Variants in GXYLT1 observed in about 807,000 individuals in gnomAD.
The protein encoded by GXYLT1 is glucoside xylosyltransferase 1.
A neutral mutation model predicts 54.0 loss-of-function variants in GXYLT1; 29 were observed. The ratio of observed to expected loss-of-function variants is 0.54; its 90% CI spans 0.40 to 0.73. The LOEUF (loss-of-function observed/expected upper bound fraction) is 0.73, where lower values mean the gene tolerates loss of function less well. Among genes scored for constraint, GXYLT1 ranks in the 30% least tolerant of loss-of-function variants. GXYLT1 has a pLI of 0.00. For missense variants in GXYLT1, 490 were observed against 553.4 expected (o/e 0.89, Z 1.15); for synonymous variants, 176 against 204.1 (o/e 0.86, Z 1.17).
At position 42,090,205 on chromosome 12, in the gene GXYLT1, T is replaced by A. The variant is rs145878995; in HGVS notation, c.1162-2258A>T. On this transcript the variant is annotated intron_variant, in intron 7 of 7. Coordinates refer to ENST00000398675, the MANE Select transcript of GXYLT1 (RefSeq NM_173601.2). ...TCTGCCCATCATATGAAAAAAGCAA[T>A]CTGACCTCTAAGGAAGAAGATAAAT... is the stretch of plus-strand genomic sequence containing the variant. Among the ~76,000 whole-genome samples, 358 of 152,250 alleles carry A rather than the reference T, an allele frequency of 2.4e-3. 1 individual carries two copies. The highest frequency in any genetic ancestry group is 3.9e-3 in the Non-Finnish European group (266 of 68,022).
chr12:42,127,844 T>C (rs1283901929), intron 2 of GXYLT1, among the ~76,000 whole-genome samples: 1 of 152,222 alleles, frequency 6.6e-6, no homozygotes, highest in Non-Finnish European at 1.5e-5. Context: ...ACTGAAAGGT[T>C]AGATTATCTT....
chr12:42,105,865 C>T lies in GXYLT1; in HGVS notation c.817G>A (p.Gly273Arg), dbSNP rs1320635386. 6.2e-7 allele frequency: 1 copy of T among 1,613,374 alleles called. No individual in the cohort carries two copies. The highest frequency in any genetic ancestry group is 8.5e-7 in the Non-Finnish European group (1 of 1,179,444). The part of the protein sequence containing the change: ...PYYGKTGVNS[G>R]VMLMNMTRMR... The stretch of plus-strand genomic sequence containing the variant: ...CGAGTCATGTTCATCAACATAACTC[C>T]AGAGTTTACTCCAGTTTTTCCATAA... The change falls in exon 5 of 8, where the codon GGA (glycine) becomes AGA (arginine). Residue 273 changes from glycine (G) to arginine (R), a missense_variant. By Grantham distance (125) the Gly-to-Arg change is moderately radical. Transcript: ENST00000398675.
At chr12:42,115,124 C>T (rs540301135) in intron 3 of GXYLT1, among the ~76,000 whole-genome samples, 18 of 152,186 alleles carry the variant, frequency 1.2e-4, no homozygotes, top group South Asian at 2.1e-4. Context: ...ATTGATGGGA[C>T]GTATCTCAAA....
In GXYLT1 at chr12:42,085,293, A is replaced by C. The variant is rs1203023251; in HGVS notation, c.*2493T>G. The stretch of plus-strand genomic sequence containing the variant: ...ATGAAGAACCTTCCAACTGATCCAC[A>C]ATGTAGTGTGTGTGACAGTGTAAAT... On this transcript the variant is annotated 3_prime_UTR_variant, in exon 8 of 8. Transcript: ENST00000398675. 6.6e-6 allele frequency: 1 copy of C among 152,284 alleles called. No individual in the cohort carries two copies. Among genetic ancestry groups the C allele is most frequent in the Non-Finnish European group, 1.5e-5 (1 of 68,060 alleles). The allele number at this position is 152,284 out of a possible 1,614,324, so 9.4% of individuals were successfully genotyped here.
intron 1 of GXYLT1, among the ~76,000 whole-genome samples, chr12:42,140,164 G>C (rs2065643314): frequency 1.9e-5 from 2 of 106,694 alleles, no homozygotes; most frequent in Admixed American, 1.5e-4. Context: ...CTGAGTGACA[G>C]AGCAAGACTC....
chr12:42,102,226 C>G (rs565750831), intron 5 of GXYLT1, among the ~76,000 whole-genome samples: 6 of 152,124 alleles, frequency 3.9e-5, no homozygotes, highest in African/African-American at 1.4e-4. Context: ...ACATTATGCT[C>G]CAACAAAAAA....
In GXYLT1 at chr12:42,085,353, C is replaced by T. The variant is rs975606192; in HGVS notation, c.*2433G>A. On this transcript the variant is annotated 3_prime_UTR_variant, in exon 8 of 8. Coordinates refer to ENST00000398675, the MANE Select transcript of GXYLT1 (RefSeq NM_173601.2). Reference sequence around the variant, plus strand: ...CATGAGTGAGACCACAGCATACAGTCCAGTTGGATTAAACTGTGACCACGC... The same window carrying T: ...CATGAGTGAGACCACAGCATACAGTTCAGTTGGATTAAACTGTGACCACGC... The T allele has an allele frequency of 6.6e-6, 1 of 151,842 alleles. No homozygotes were observed. Among genetic ancestry groups the T allele is most frequent in the East Asian group, 2.0e-4 (1 of 5,116 alleles). 9.4% of individuals were successfully genotyped at this position (151,842 alleles called of 1,614,324 possible).
Position 42,144,684 on chromosome 12 carries a change from G to GCCGCCGCA in GXYLT1, c.-39_-38insTGCGGCGG. The GCCGCCGCA allele has an allele frequency of 9.2e-7, 1 of 1,088,582 alleles. No individual in the cohort carries two copies. The highest frequency in any genetic ancestry group is 1.2e-6 in the Non-Finnish European group (1 of 804,106). 67.4% of individuals were successfully genotyped at this position (1,088,582 alleles called of 1,614,324 possible). On this transcript the variant is annotated 5_prime_UTR_variant, in exon 1 of 8. Transcript: ENST00000398675. ...GCTCCTCCTTCGCCGCCGCCGCCGCGCCCGCCCCGACGAACTGGAGCGGAG... is the reference window on the plus strand; with the variant it reads ...GCTCCTCCTTCGCCGCCGCCGCCGCGCCGCCGCACCCGCCCCGACGAACTGGAGCGGAG...
At chr12:42,134,222 A>G (rs2065607778) in intron 1 of GXYLT1, among the ~76,000 whole-genome samples, 1 of 152,052 alleles carries the variant, frequency 6.6e-6, no homozygotes, top group Admixed American at 6.6e-5. Context: ...AAAAAGAGAG[A>G]GAGAAGAAAA....
At position 42,083,812 on chromosome 12, in the gene GXYLT1, C is replaced by G. The variant is rs2065268539; in HGVS notation, c.*3974G>C. The stretch of plus-strand genomic sequence containing the variant: ...TCTGCGAAAACTGCTGCAACACATT[C>G]CTTGGCCCCCTTCAGACCTAATGAA... On this transcript the variant is annotated 3_prime_UTR_variant, in exon 8 of 8. Transcript: ENST00000398675. The G allele has an allele frequency of 6.6e-6, 1 of 152,224 alleles. No homozygotes were observed. The highest frequency in any genetic ancestry group is 6.5e-5 in the Admixed American group (1 of 15,280). The allele number at this position is 152,224 out of a possible 1,614,324, so 9.4% of individuals were successfully genotyped here.
At chr12:42,114,162 C>G (rs1482804382) in intron 3 of GXYLT1, among the ~76,000 whole-genome samples, 1 of 152,054 alleles carries the variant, frequency 6.6e-6, no homozygotes, top group East Asian at 1.9e-4. Context: ...CACTAAATGC[C>G]CACAAGAGAA....
At chr12:42,111,874 G>A (rs1365712766) in intron 3 of GXYLT1, among the ~76,000 whole-genome samples, 1 of 152,212 alleles carries the variant, frequency 6.6e-6, no homozygotes, top group African/African-American at 2.4e-5. Context: ...TAGCCTAACT[G>A]GGAGGCACCC....
At chr12:42,134,756 A>G (rs1468110828) in intron 1 of GXYLT1, among the ~76,000 whole-genome samples, 1 of 152,244 alleles carries the variant, frequency 6.6e-6, no homozygotes, top group African/African-American at 2.4e-5. Flanking sequence ...ATGAATACTG[A>G]AGAACAGTTA....
chr12:42,106,156 A>G (rs534497328), intron 4 of GXYLT1, 87 bp from the exon 5 acceptor site: 1 of 834,356 alleles, frequency 1.2e-6, no homozygotes, highest in South Asian at 1.7e-5. Flanking sequence ...AGATACACCT[A>G]AGAGATTAGC....
rs1402782767 is a variant in GXYLT1, at chr12:42,083,656, T to C, written c.*4130A>G. On this transcript the variant is annotated 3_prime_UTR_variant, in exon 8 of 8. Coordinates refer to ENST00000398675, the MANE Select transcript of GXYLT1 (RefSeq NM_173601.2). ...TTTAAGGTATTTCTGCTGTCTTTTG[T>C]TCTCTTAAATCTACTCAGAATGGTT... is the stretch of plus-strand genomic sequence containing the variant. The C allele has an allele frequency of 6.6e-6, 1 of 152,298 alleles. No homozygotes were observed. The highest frequency in any genetic ancestry group is 1.9e-4 in the East Asian group (1 of 5,208). 9.4% of individuals were successfully genotyped at this position (152,298 alleles called of 1,614,324 possible). A position where few individuals can be genotyped will look rare whatever the true frequency, so the allele number is the denominator to read the frequency against.
intron 2 of GXYLT1, among the ~76,000 whole-genome samples, chr12:42,120,289 G>GA (rs1397215071): frequency 6.6e-6 from 1 of 152,020 alleles, no homozygotes; most frequent in East Asian, 1.9e-4. Flanking sequence ...CTGACTACAA[G>GA]AAAAAATGTC....
At chr12:42,094,017 C>T (rs2065342396) in intron 7 of GXYLT1, among the ~76,000 whole-genome samples, 1 of 151,502 alleles carries the variant, frequency 6.6e-6, no homozygotes, top group Non-Finnish European at 1.5e-5. Context: ...GTTCTGTAAC[C>T]CAAGTGTAGA....
chr12:42,143,040 T>G (rs889808599), intron 1 of GXYLT1, among the ~76,000 whole-genome samples: 1 of 152,214 alleles, frequency 6.6e-6, no homozygotes, highest in African/African-American at 2.4e-5. Flanking sequence ...TTCGAAAATT[T>G]CAAATAATTT....
intron 4 of GXYLT1, among the ~76,000 whole-genome samples, chr12:42,108,263 A>ATATT (rs1350073844): frequency 6.6e-6 from 1 of 152,246 alleles, no homozygotes; most frequent in African/African-American, 2.4e-5. Context: ...AAGTGTTAAT[A>ATATT]AAGTACCATA....
Sources: gnomAD v4.1 joint callset for allele counts (sites outside exome capture counted in the v4.1 genomes callset) on GRCh38, gnomAD v4.1.1 for gene constraint, MANE v1.5 for transcripts, NCBI Gene and HGNC (gene_info 2026-07-23, HGNC 2026-07-21) for gene names.